CNNM4: variants seen among roughly 807,000 people sequenced by gnomAD.
The protein encoded by CNNM4 is metal transporter CNNM4.
CNNM4 carries 32 observed loss-of-function variants against 53.7 expected under a neutral mutation model. That is an observed-to-expected ratio of 0.60 (90% CI 0.45 to 0.80). The LOEUF is 0.80. Among genes scored for constraint, CNNM4 ranks in the 30% least tolerant of loss-of-function variants. The probability of loss-of-function intolerance (pLI) is 0.00; values close to 1 mark genes in which losing one functional copy is unlikely to be tolerated. For missense variants in CNNM4, 784 were observed against 1,022.0 expected, an observed-to-expected ratio of 0.77 and a Z score of 3.17; for synonymous variants, 410 against 440.0, an observed-to-expected ratio of 0.93 and a Z score of 0.85.
intron 5 of CNNM4, among the ~76,000 whole-genome samples, chr2:96,805,440 A>AATTTTTTTTTTTTTT (rs2079194974): frequency 6.9e-5 from 6 of 87,476 alleles, no homozygotes; most frequent in Non-Finnish European, 8.7e-5. Context: ...TTTTTTTTTT[A>AATTTTTTTTTTTTTT]TTATTTTTTT....
chr2:96,765,796 T>TC (rs1358778316), intron 1 of CNNM4, among the ~76,000 whole-genome samples: 1 of 150,372 alleles, frequency 6.7e-6, no homozygotes, highest in East Asian at 1.9e-4. Context: ...TTTCTTTCTT[T>TC]CTTTTTTTTT....
chr2:96,787,269 G>A (rs1265326332), intron 1 of CNNM4, among the ~76,000 whole-genome samples: 2 of 152,142 alleles, frequency 1.3e-5, no homozygotes, highest in Non-Finnish European at 2.9e-5. Flanking sequence ...AACTTCCAAC[G>A]GTGGGTAGTT....
At chr2:96,789,700 A>AT (rs576794641) in intron 1 of CNNM4, among the ~76,000 whole-genome samples, 1,762 of 144,060 alleles carry the variant, frequency 0.012, 28 homozygotes, top group African/African-American at 0.039. Flanking sequence ...TTATTAGTTA[A>AT]TTTTTTTTTT....
chr2:96,797,240 A>T lies in CNNM4; in HGVS notation c.1546+85A>T. The T allele has an allele frequency of 6.4e-7, 1 of 1,574,004 alleles. No individual in the cohort carries two copies. The highest frequency in any genetic ancestry group is 8.7e-7 in the Non-Finnish European group (1 of 1,150,134). On this transcript the variant is annotated intron_variant, in intron 2 of 6. Coordinates refer to ENST00000377075, the MANE Select transcript of CNNM4 (RefSeq NM_020184.4). This position sits in a 1 kb window ranked among gnomAD's most constrained non-coding sequence, Gnocchi z 6.0. ...TCCCTAGCTGGAAGGGCCATAGTGC[A>T]GGGACACAGGAGGCCTAGCATCCAG...
intron 5 of CNNM4, among the ~76,000 whole-genome samples, chr2:96,806,088 C>T (rs371440719): frequency 2.0e-5 from 3 of 147,668 alleles, no homozygotes; most frequent in Admixed American, 2.0e-4. Context: ...CTGACCCCCC[C>T]CAACCTCCCT....
chr2:96,772,787 A>T (rs566053515), intron 1 of CNNM4, among the ~76,000 whole-genome samples: 117 of 123,002 alleles, frequency 9.5e-4, no homozygotes, highest in African/African-American at 3.5e-3. Context: ...TCACACACAC[A>T]TGCGCACACA....
At chr2:96,775,949 C>T (rs749533195) in intron 1 of CNNM4, among the ~76,000 whole-genome samples, 3 of 151,534 alleles carry the variant, frequency 2.0e-5, no homozygotes, top group African/African-American at 4.9e-5. Flanking sequence ...TGGTCTCGAA[C>T]TCCTGGCCTC....
intron 1 of CNNM4, among the ~76,000 whole-genome samples, chr2:96,794,624 G>A (rs916441234): frequency 6.6e-6 from 1 of 152,068 alleles, no homozygotes; most frequent in African/African-American, 2.4e-5. Flanking sequence ...TCTGGTTTGG[G>A]GCTGTTAAAA....
chr2:96,789,859 A>C (rs2079045149), intron 1 of CNNM4, among the ~76,000 whole-genome samples: 2 of 149,938 alleles, frequency 1.3e-5, no homozygotes, highest in Admixed American at 1.3e-4. Flanking sequence ...CGCCTGGCTA[A>C]TTTTTGTATT....
chr2:96,769,983 T>C (rs902861802), intron 1 of CNNM4, among the ~76,000 whole-genome samples: 26 of 152,190 alleles, frequency 1.7e-4, no homozygotes, highest in African/African-American at 5.3e-4. Flanking sequence ...CTTCTCACTT[T>C]CCCTTTAGTG....
chr2:96,762,178 C>G lies in CNNM4; in HGVS notation c.1179C>G (p.Asp393Glu). 1 of 1,614,218 alleles carries G rather than the reference C, an allele frequency of 6.2e-7. No homozygotes were observed. The highest frequency in any genetic ancestry group is 8.5e-7 in the Non-Finnish European group (1 of 1,180,038). The part of the protein sequence containing the change: ...CFMIRSDAIL[D>E]FNTMSEIMES... ...TGATCCGCAGCGATGCCATCCTGGA[C>G]TTCAACACCATGTCGGAGATAATGG... Residue 393 changes from aspartate to glutamate, a missense_variant, in exon 1 of 7, where the codon GAC becomes GAG. Coordinates refer to ENST00000377075, the MANE Select transcript of CNNM4 (RefSeq NM_020184.4).
chr2:96,797,864 A>G lies in CNNM4; in HGVS notation c.1681+217A>G, dbSNP rs1467117738. On this transcript the variant is annotated intron_variant, in intron 3 of 6. Transcript: ENST00000377075. This position sits in a 1 kb window ranked among gnomAD's most constrained non-coding sequence, Gnocchi z 6.0. Reference sequence around the variant, plus strand: ...TAATGGGCGGCTACTGCAAACTTCTAGGAAGCATCCAAGTTACTATATTTA... The same window carrying G: ...TAATGGGCGGCTACTGCAAACTTCTGGGAAGCATCCAAGTTACTATATTTA... Among the ~76,000 whole-genome samples, 1 of 152,192 alleles carries G rather than the reference A, an allele frequency of 6.6e-6. No homozygotes were observed. Among genetic ancestry groups the G allele is most frequent in the Non-Finnish European group, 1.5e-5 (1 of 68,030 alleles).
At position 96,762,024 on chromosome 2, in the gene CNNM4, T is replaced by TGGAGA; in HGVS notation, c.1026_1030dup (p.Met344ArgfsTer4). The TGGAGA allele has an allele frequency of 6.2e-7, 1 of 1,613,836 alleles. No individual in the cohort carries two copies. ...ACTGTTTACAACCGGGAGAAGCTGATGGAGATGTTGAAGGTGACGGAGCCC... is the reference window on the plus strand; with the variant it reads ...ACTGTTTACAACCGGGAGAAGCTGATGGAGAGGAGATGTTGAAGGTGACGGAGCCC... On this transcript the variant is annotated frameshift_variant, in exon 1 of 7. Transcript: ENST00000377075. LOFTEE classifies it high-confidence loss of function.
At position 96,799,222 on chromosome 2, in the gene CNNM4, T is replaced by C; in HGVS notation, c.1847T>C (p.Leu616Pro). The C allele has an allele frequency of 6.2e-7, 1 of 1,614,204 alleles. No individual in the cohort carries two copies. Among genetic ancestry groups the C allele is most frequent in the Non-Finnish European group, 8.5e-7 (1 of 1,180,024 alleles). ...CCGGCCGACTACTTCATCCTCATCC[T>C]GCAGGTGAGCCCGCTCAGCCCTGGG... The part of the protein sequence containing the change: ...NKPADYFILI[L>P]QGKVEVEAGK... The change falls in exon 4 of 7, where the codon CTG becomes CCG. Residue 616 changes from leucine (L) to proline (P), a missense_variant. Physicochemically the swap from Leu to Pro is moderately conservative, Grantham distance 98 (BLOSUM62 -3). Around this residue, in one of 3 missense-constraint regions of CNNM4, gnomAD observed 307 missense variants for 376.3 expected, o/e 0.82. Coordinates refer to ENST00000377075, the MANE Select transcript of CNNM4 (RefSeq NM_020184.4).
At chr2:96,774,520 A>G (rs557219301) in intron 1 of CNNM4, among the ~76,000 whole-genome samples, 1 of 152,316 alleles carries the variant, frequency 6.6e-6, no homozygotes, top group Admixed American at 6.5e-5. Context: ...TAATCCTCCA[A>G]GTGCTGTAGA....
At chr2:96,764,714 G>A (rs898818363) in intron 1 of CNNM4, among the ~76,000 whole-genome samples, 37 of 152,244 alleles carry the variant, frequency 2.4e-4, no homozygotes, top group African/African-American at 8.9e-4. Context: ...TTGGCCAGGC[G>A]CGGTGGCTCA....
At chr2:96,790,099 C>T (rs1156967655) in intron 1 of CNNM4, among the ~76,000 whole-genome samples, 5 of 144,034 alleles carry the variant, frequency 3.5e-5, no homozygotes, top group Admixed American at 1.4e-4. Context: ...CTCCGCCTCC[C>T]GGGTTCACGC....
intron 1 of CNNM4, among the ~76,000 whole-genome samples, chr2:96,786,771 T>A (rs1194944539): frequency 8.5e-6 from 1 of 117,114 alleles, no homozygotes; most frequent in African/African-American, 3.2e-5. Flanking sequence ...AGAGCAAGAC[T>A]CTGTCTCAAA....
intron 5 of CNNM4, among the ~76,000 whole-genome samples, chr2:96,805,902 C>T (rs920073669): frequency 6.6e-5 from 10 of 151,874 alleles, no homozygotes; most frequent in Non-Finnish European, 1.0e-4. Context: ...CCACCTTTCC[C>T]GCCTTTCTAT....
Sources: gnomAD v4.1 joint callset for allele counts (sites outside exome capture counted in the v4.1 genomes callset) on GRCh38, gnomAD v4.1.1 for gene constraint, gnomAD v4.1.1 regional missense constraint, Gnocchi (gnomAD v3.1) non-coding constraint, MANE v1.5 for transcripts, NCBI Gene and HGNC (gene_info 2026-07-23, HGNC 2026-07-21) for gene names.